CNTNAP2: variants seen among roughly 807,000 people sequenced by gnomAD.
CNTNAP2 encodes the protein contactin-associated protein-like 2.
In CNTNAP2, 98 loss-of-function variants were observed where a neutral mutation model predicts 155.2. That is an observed-to-expected ratio of 0.63 (90% confidence interval 0.54 to 0.75). CNTNAP2 has a LOEUF of 0.75. Ranked by LOEUF, CNTNAP2 falls within the 30% of genes least tolerant of loss-of-function variation. The pLI, the probability that CNTNAP2 is intolerant of heterozygous loss-of-function variation, is 0.00. For missense variants in CNTNAP2, 1,727 were observed against 1,688.1 expected, an observed-to-expected ratio of 1.02 and a Z score of -0.40; for synonymous variants, 651 against 631.2, an observed-to-expected ratio of 1.03 and a Z score of -0.47.
chr7:147,280,980 G>T (rs1372997540), intron 8 of CNTNAP2, among the ~76,000 whole-genome samples: 1 of 151,762 alleles, frequency 6.6e-6, no homozygotes, highest in African/African-American at 2.4e-5. Flanking sequence ...TCACAAACTT[G>T]GGTCTTACTA....
At chr7:147,993,217 A>C (rs928593021) in intron 15 of CNTNAP2, among the ~76,000 whole-genome samples, 2 of 152,214 alleles carry the variant, frequency 1.3e-5, no homozygotes, top group Admixed American at 1.3e-4. Flanking sequence ...AAAGGCAAAA[A>C]CCAACACTTT....
intron 13 of CNTNAP2, among the ~76,000 whole-genome samples, chr7:147,863,687 T>C (rs1175699013): frequency 2.6e-5 from 4 of 152,226 alleles, no homozygotes; most frequent in South Asian, 2.1e-4. Context: ...TCAGTGATGA[T>C]GAGCATTTTT....
intron 2 of CNTNAP2, among the ~76,000 whole-genome samples, chr7:146,796,573 C>T (rs1021568839): frequency 2.0e-4 from 30 of 152,052 alleles, no homozygotes; most frequent in African/African-American, 6.8e-4. Flanking sequence ...GATCTAGCTT[C>T]TGAAACGCAG....
chr7:147,830,584 GC>G, intron 13 of CNTNAP2, among the ~76,000 whole-genome samples: 1 of 152,260 alleles, frequency 6.6e-6, no homozygotes, highest in Middle Eastern at 3.4e-3. Flanking sequence ...TATTCGCCCT[GC>G]TTTAACTTTG....
intron 11 of CNTNAP2, among the ~76,000 whole-genome samples, chr7:147,526,529 C>G (rs1014729436): frequency 6.6e-6 from 1 of 152,160 alleles, no homozygotes; most frequent in Non-Finnish European, 1.5e-5. Context: ...AACTTGAGCA[C>G]TCTAATAATG....
In CNTNAP2 at chr7:148,388,635, GCT is replaced by G. The variant is rs1305841060; in HGVS notation, c.3715+4750_3715+4751del. 2.9e-4 allele frequency among the ~76,000 whole-genome samples: 44 copies of G among 152,206 alleles called. No individual in the cohort carries two copies. In the East Asian group the frequency reaches 4.1e-3, roughly 14 times the overall value. On this transcript the variant is annotated intron_variant, in intron 22 of 23. Transcript: ENST00000361727. Reference sequence around the variant, plus strand: ...GCTTTTTAGAGTTTCCAGTTTTTCTGCTCTGTTTTTTCCCTATCTTTGTGGTT... The same window carrying G: ...GCTTTTTAGAGTTTCCAGTTTTTCTGCTGTTTTTTCCCTATCTTTGTGGTT...
In CNTNAP2 at chr7:146,406,594, G is replaced by A. The variant is rs137941548; in HGVS notation, c.97+289621G>A. Among the ~76,000 whole-genome samples, 108 of 152,272 alleles carry A rather than the reference G, an allele frequency of 7.1e-4. 1 individual carries two copies. The East Asian group carries it at 0.012, about 17-fold the overall frequency. On this transcript the variant is annotated intron_variant, in intron 1 of 23. Transcript: ENST00000361727. Reference sequence around the variant, plus strand: ...ATATTGGCAAGGCTTAATCGTTGAAGCACCCAGTCAAAGACTCAGTCAGAA... The same window carrying A: ...ATATTGGCAAGGCTTAATCGTTGAAACACCCAGTCAAAGACTCAGTCAGAA...
intron 17 of CNTNAP2, among the ~76,000 whole-genome samples, chr7:148,164,378 C>A (rs1235995976): frequency 6.6e-6 from 1 of 151,992 alleles, no homozygotes; most frequent in East Asian, 1.9e-4. Flanking sequence ...GCTGCTTTTG[C>A]CCCCTGACCT....
chr7:147,451,714 T>C (rs1469849354), intron 10 of CNTNAP2, among the ~76,000 whole-genome samples: 2 of 150,876 alleles, frequency 1.3e-5, no homozygotes, highest in Non-Finnish European at 2.9e-5. Flanking sequence ...AGGATAAGAA[T>C]CCTTTGTATT....
intron 1 of CNTNAP2, among the ~76,000 whole-genome samples, chr7:146,149,321 T>C (rs1798001214): frequency 1.3e-5 from 2 of 152,148 alleles, no homozygotes; most frequent in African/African-American, 2.4e-5. Context: ...ATTTCCTGTA[T>C]GATAGGATTC....
intron 13 of CNTNAP2, among the ~76,000 whole-genome samples, chr7:147,739,621 C>T (rs1164046800): frequency 6.6e-6 from 1 of 151,844 alleles, no homozygotes; most frequent in Non-Finnish European, 1.5e-5. Context: ...AGAAAATCAT[C>T]CTAGATACAG....
Position 146,240,124 on chromosome 7 carries a change from TATTAACTATTGGGTTTCAC to T in CNTNAP2, c.97+123155_97+123173del, listed in dbSNP as rs1347929091. Among the ~76,000 whole-genome samples, 9 of 152,196 alleles carry T rather than the reference TATTAACTATTGGGTTTCAC, an allele frequency of 5.9e-5. No individual in the cohort carries two copies. The South Asian group carries it at 8.3e-4, about 14-fold the overall frequency. On this transcript the variant is annotated intron_variant, in intron 1 of 23. Transcript: ENST00000361727. ...ATTTCCTTTTAAATAATAGAAACTGTATTAACTATTGGGTTTCACATTTTCCTTTGGCTTCCATGAAGCT... is the reference window on the plus strand; with the variant it reads ...ATTTCCTTTTAAATAATAGAAACTGTATTTTCCTTTGGCTTCCATGAAGCT...
intron 1 of CNTNAP2, among the ~76,000 whole-genome samples, chr7:146,239,870 G>A (rs1799531520): frequency 1.3e-5 from 2 of 152,098 alleles, no homozygotes; most frequent in South Asian, 4.1e-4. Flanking sequence ...AGGGAAATAT[G>A]TATTAATCTT....
intron 13 of CNTNAP2, among the ~76,000 whole-genome samples, chr7:147,900,018 C>T (rs1488302009): frequency 6.6e-6 from 1 of 152,156 alleles, no homozygotes; most frequent in Admixed American, 6.6e-5. Context: ...CCTGAAACTC[C>T]TTTCATCAAA....
At position 147,639,292 on chromosome 7, in the gene CNTNAP2, T is replaced by C. The variant is rs1324746264; in HGVS notation, c.2084T>C (p.Leu695Ser). 1 of 1,614,052 alleles carries C rather than the reference T, an allele frequency of 6.2e-7. No individual in the cohort carries two copies. Among genetic ancestry groups the C allele is most frequent in the East Asian group, 2.2e-5 (1 of 44,846 alleles). ...TCCTATTTCTGCAAGATGTCAAGAT[T>C]GTTGAACACCCCAGGTAGGCTGAGA... is the stretch of plus-strand genomic sequence containing the variant. ...YVSYFCKMSR[L>S]LNTPDGSPYT... is the part of the protein sequence containing the mutation. Residue 695 changes from leucine to serine, a missense_variant, in exon 13 of 24, where the codon TTG (leucine) becomes TCG (serine). Leu to Ser is a moderately radical substitution (Grantham distance 145, BLOSUM62 -2). Coordinates refer to ENST00000361727, the MANE Select transcript of CNTNAP2 (RefSeq NM_014141.6).
chr7:147,195,268 C>G (rs1802766050), intron 8 of CNTNAP2, among the ~76,000 whole-genome samples: 1 of 152,004 alleles, frequency 6.6e-6, no homozygotes, highest in African/African-American at 2.4e-5. Context: ...CTATTCTGCT[C>G]CATTAGTCTA....
At chr7:147,460,786 C>G (rs1470354080) in intron 10 of CNTNAP2, among the ~76,000 whole-genome samples, 1 of 152,144 alleles carries the variant, frequency 6.6e-6, no homozygotes, top group Non-Finnish European at 1.5e-5. Flanking sequence ...TGGCATTAAC[C>G]ATTAGATACC....
chr7:146,755,621 C>G (rs1273472702), intron 1 of CNTNAP2, among the ~76,000 whole-genome samples: 1 of 151,902 alleles, frequency 6.6e-6, no homozygotes, highest in Non-Finnish European at 1.5e-5. Flanking sequence ...TTCTTATGTT[C>G]TGAATAATAA....
chr7:147,880,144 A>C (rs1202940784), intron 13 of CNTNAP2, among the ~76,000 whole-genome samples: 1 of 152,190 alleles, frequency 6.6e-6, no homozygotes, highest in Non-Finnish European at 1.5e-5. Flanking sequence ...AATTTCCTTG[A>C]TTCAGGAGCT....
Sources: allele counts gnomAD v4.1 joint callset (sites outside exome capture counted in the v4.1 genomes callset), GRCh38; gene constraint gnomAD v4.1.1; transcripts MANE v1.5; gene names NCBI Gene and HGNC (gene_info 2026-07-23, HGNC 2026-07-21).